The following GRIN2A variants were observed in gnomAD, a reference collection of about 807,000 sequenced individuals.
GRIN2A encodes the protein glutamate ionotropic receptor NMDA type subunit 2A.
In GRIN2A, 22 loss-of-function variants were observed where a neutral mutation model predicts 113.4. That is an observed-to-expected ratio of 0.19 (90% confidence interval 0.14 to 0.28). GRIN2A has a LOEUF of 0.28. Among genes scored for constraint, GRIN2A ranks in the 10% least tolerant of loss-of-function variants. GRIN2A has a pLI of 1.00. For synonymous variants in GRIN2A, 827 were observed against 738.4 expected, an observed-to-expected ratio of 1.12 and a Z score of -1.94; for missense variants, 1,502 against 1,887.0, an observed-to-expected ratio of 0.80 and a Z score of 3.78.
intron 4 of GRIN2A, among the ~76,000 whole-genome samples, chr16:9,856,148 C>T (rs921735230): frequency 6.6e-6 from 1 of 152,066 alleles, no homozygotes; most frequent in African/African-American, 2.4e-5. Flanking sequence ...TATAATTATC[C>T]TCATTGCATG....
intron 2 of GRIN2A, among the ~76,000 whole-genome samples, chr16:10,001,390 A>G (rs533093036): frequency 1.3e-5 from 2 of 152,330 alleles, no homozygotes; most frequent in African/African-American, 4.8e-5. Context: ...ATAGAGATAC[A>G]TAAGCTTCTG....
At position 9,764,029 on chromosome 16, in the gene GRIN2A, A is replaced by G. The variant is rs1177807348; in HGVS notation, c.3515T>C (p.Leu1172Ser). The G allele has an allele frequency of 1.1e-5, 17 of 1,614,064 alleles. No homozygotes were observed. Among genetic ancestry groups the G allele is most frequent in the Non-Finnish European group, 1.4e-5 (17 of 1,179,978 alleles). The change falls in exon 13 of 13, where the codon TTG becomes TCG. Residue 1172 changes from leucine to serine, a missense_variant. Around this residue, in one of 7 missense-constraint regions of GRIN2A, gnomAD observed 832 missense variants for 789.7 expected, o/e 1.05. Transcript: ENST00000330684. ...DSTLPMNRNP[L>S]HNEEGLSNND... ...GTTGGAAAGCCCCTCTTCATTATGC[A>G]AGGGGTTCCGGTTCATTGGCAGCGT...
chr16:10,162,970 C>T (rs977931271), intron 2 of GRIN2A, among the ~76,000 whole-genome samples: 1 of 152,196 alleles, frequency 6.6e-6, no homozygotes, highest in Non-Finnish European at 1.5e-5. Context: ...ACATCCAAGG[C>T]TCTCTTTTGA....
chr16:10,077,277 G>A (rs192088317), intron 2 of GRIN2A, among the ~76,000 whole-genome samples: 2 of 152,300 alleles, frequency 1.3e-5, no homozygotes, highest in Admixed American at 1.3e-4. Context: ...TGTGTAATTT[G>A]TTATAGCAGC....
At chr16:9,824,034 T>C (rs2042339580) in intron 9 of GRIN2A, among the ~76,000 whole-genome samples, 1 of 152,212 alleles carries the variant, frequency 6.6e-6, no homozygotes, top group Non-Finnish European at 1.5e-5. Context: ...TCAAACCAGC[T>C]AGAAACATTA....
At chr16:9,858,163 G>C (rs2043000508) in intron 4 of GRIN2A, among the ~76,000 whole-genome samples, 1 of 152,120 alleles carries the variant, frequency 6.6e-6, no homozygotes, top group Non-Finnish European at 1.5e-5. Context: ...TATCAGAACA[G>C]GGCAGTCATG....
intron 3 of GRIN2A, among the ~76,000 whole-genome samples, chr16:9,909,865 G>A (rs2141546170): frequency 6.6e-6 from 1 of 152,278 alleles, no homozygotes. Flanking sequence ...AAAAGATTAG[G>A]TCAATGTAGG....
At chr16:9,924,110 C>CAAAAAAAA (rs921695456) in intron 3 of GRIN2A, among the ~76,000 whole-genome samples, 11 of 18,170 alleles carry the variant, frequency 6.1e-4, no homozygotes, top group African/African-American at 1.5e-3. Context: ...GACTTGGTCT[C>CAAAAAAAA]AAAAAAAAAA....
At chr16:9,852,926 G>A (rs1321995724) in intron 4 of GRIN2A, among the ~76,000 whole-genome samples, 1 of 152,204 alleles carries the variant, frequency 6.6e-6, no homozygotes, top group Non-Finnish European at 1.5e-5. Flanking sequence ...TAATGGAAGT[G>A]ATAAAATGTT....
intron 11 of GRIN2A, among the ~76,000 whole-genome samples, chr16:9,787,013 C>CAGAACATCACATGACAGATAAA (rs1182875947): frequency 4.6e-5 from 7 of 152,108 alleles, no homozygotes; most frequent in African/African-American, 1.7e-4. Context: ...CCAACTTTGG[C>CAGAACATCACATGACAGATAAA]AGAACATCAC....
intron 2 of GRIN2A, among the ~76,000 whole-genome samples, chr16:9,983,997 C>A (rs2045937732): frequency 6.6e-6 from 1 of 152,190 alleles, no homozygotes; most frequent in Non-Finnish European, 1.5e-5. Flanking sequence ...TTCATAATGG[C>A]TGTTCTAAAT....
chr16:10,180,280 G>T lies in GRIN2A; in HGVS notation c.132C>A (p.His44Gln). 6.2e-7 allele frequency: 1 copy of T among 1,613,278 alleles called. No homozygotes were observed. The highest frequency in any genetic ancestry group is 8.5e-7 in the Non-Finnish European group (1 of 1,180,010). Reference sequence around the variant, plus strand: ...TTCGAAGTTCGCGCTCTGTCACGTCGTGGCTGTGACCCAGCATCACCGCAA... The same window carrying T: ...TTCGAAGTTCGCGCTCTGTCACGTCTTGGCTGTGACCCAGCATCACCGCAA... The part of the protein sequence containing the change: ...LNIAVMLGHS[H>Q]DVTERELRTL... Residue 44 changes from histidine (H) to glutamine (Q), a missense_variant, in exon 2 of 13, where the codon CAC (histidine) becomes CAA (glutamine). This residue lies in a region of GRIN2A where 149 missense variants were observed against 179.1 expected (regional missense o/e 0.83). Coordinates refer to ENST00000330684, the MANE Select transcript of GRIN2A (RefSeq NM_001134407.3). This position sits in a 1 kb window ranked among gnomAD's most constrained non-coding sequence, Gnocchi z 7.0.
At chr16:10,073,725 G>A (rs1331002904) in intron 2 of GRIN2A, among the ~76,000 whole-genome samples, 1 of 150,560 alleles carries the variant, frequency 6.6e-6, no homozygotes, top group African/African-American at 2.5e-5. Flanking sequence ...CCAACATGGT[G>A]AAACCGCATC....
chr16:10,046,493 T>A (rs1424202826), intron 2 of GRIN2A, among the ~76,000 whole-genome samples: 3 of 152,134 alleles, frequency 2.0e-5, no homozygotes, highest in Non-Finnish European at 4.4e-5. Flanking sequence ...CATCCCAATA[T>A]AAACACCTTC....
In GRIN2A at chr16:10,129,260, T is replaced by C. The variant is rs116717446; in HGVS notation, c.414+50738A>G. On this transcript the variant is annotated intron_variant, in intron 2 of 12. Coordinates refer to ENST00000330684, the MANE Select transcript of GRIN2A (RefSeq NM_001134407.3). ...CTGGTGAAGTCATTTTAGTTTTTAG[T>C]AGAGACAAAGTCTCTCTGTGTTGCC... Among the ~76,000 whole-genome samples, 397 of 152,268 alleles carry C rather than the reference T, an allele frequency of 2.6e-3. 1 individual carries two copies. Among genetic ancestry groups the C allele is most frequent in the African/African-American group, 9.2e-3 (384 of 41,542 alleles).
intron 2 of GRIN2A, among the ~76,000 whole-genome samples, chr16:9,951,965 C>T (rs1395011618): frequency 6.6e-6 from 1 of 152,158 alleles, no homozygotes; most frequent in Non-Finnish European, 1.5e-5. Flanking sequence ...GAAGCCCTGA[C>T]ACTCACTGCC....
At chr16:10,043,129 G>A (rs1462722645) in intron 2 of GRIN2A, among the ~76,000 whole-genome samples, 1 of 152,096 alleles carries the variant, frequency 6.6e-6, no homozygotes, top group Non-Finnish European at 1.5e-5. Flanking sequence ...TTTTACATTT[G>A]GTAGTATCTT....
chr16:10,126,381 G>A (rs189814030), intron 2 of GRIN2A, among the ~76,000 whole-genome samples: 2 of 152,092 alleles, frequency 1.3e-5, no homozygotes, highest in Admixed American at 6.5e-5. Context: ...TACCCAGACT[G>A]GTCTCAAACT....
chr16:9,916,112 A>G (rs1406892295), intron 3 of GRIN2A, among the ~76,000 whole-genome samples: 1 of 152,184 alleles, frequency 6.6e-6, no homozygotes, highest in Non-Finnish European at 1.5e-5. Flanking sequence ...ATATGATGTC[A>G]CCTCTGTGAA....
Sources: allele counts gnomAD v4.1 joint callset (sites outside exome capture counted in the v4.1 genomes callset), GRCh38; gene constraint gnomAD v4.1.1; regional missense constraint gnomAD v4.1.1; non-coding constraint Gnocchi (gnomAD v3.1); transcripts MANE v1.5; gene names NCBI Gene and HGNC (gene_info 2026-07-23, HGNC 2026-07-21).